The following ANKS6 variants were observed in gnomAD, a reference collection of about 807,000 sequenced individuals.
ANKS6 encodes ankyrin repeat and SAM domain-containing protein 6.
Under a neutral mutation model 77.9 loss-of-function variants are expected in ANKS6, and 47 were observed. That is an observed-to-expected ratio of 0.60 (90% CI 0.48 to 0.77). The LOEUF is 0.77. Ranked by LOEUF, ANKS6 falls within the 30% of genes least tolerant of loss-of-function variation. The probability of loss-of-function intolerance (pLI) is 0.00; values close to 1 mark genes in which losing one functional copy is unlikely to be tolerated. For synonymous variants in ANKS6, 488 were observed against 501.7 expected (o/e 0.97, Z 0.37); for missense variants, 1,150 against 1,159.1 (o/e 0.99, Z 0.11).
chr9:98,788,587 T>C (rs948168812), intron 2 of ANKS6, among the ~76,000 whole-genome samples: 7 of 152,138 alleles, frequency 4.6e-5, no homozygotes, highest in African/African-American at 1.4e-4. Flanking sequence ...CCTTTATGAG[T>C]CCCTAACACT....
chr9:98,739,056 G>T (rs1173369007), intron 14 of ANKS6, among the ~76,000 whole-genome samples: 1 of 151,668 alleles, frequency 6.6e-6, no homozygotes, highest in African/African-American at 2.4e-5. Context: ...TTGTAAGTGG[G>T]AGCTAAGCTA....
chr9:98,769,041 C>T (rs997806982), intron 10 of ANKS6, among the ~76,000 whole-genome samples: 4 of 88,400 alleles, frequency 4.5e-5, no homozygotes, highest in African/African-American at 1.9e-4. Context: ...GGAGGAGGAT[C>T]GCTTGAACCC....
chr9:98,766,704 T>C (rs1833312818), intron 11 of ANKS6, among the ~76,000 whole-genome samples: 1 of 152,218 alleles, frequency 6.6e-6, no homozygotes. Flanking sequence ...ATAGGTCCTA[T>C]TGCACAAGGG....
intron 14 of ANKS6, among the ~76,000 whole-genome samples, chr9:98,745,356 A>C (rs756011045): frequency 2.0e-5 from 3 of 152,220 alleles, no homozygotes; most frequent in Non-Finnish European, 4.4e-5. Context: ...AGCCCTGTGC[A>C]TTGGTTACCT....
Position 98,790,211 on chromosome 9 carries a change from T to C in ANKS6, c.755A>G (p.Asp252Gly), listed in dbSNP as rs1193120556. The stretch of plus-strand genomic sequence containing the variant: ...GGTCTTCTCCAGCACGCTGAGGTGG[T>C]CAGGGTTGGCGCCCTTCTCCACCAG... ...QQLVEKGANP[D>G]HLSVLEKTAF... Residue 252 changes from aspartate to glycine, a missense_variant, in exon 2 of 15, where the codon GAC (aspartate) becomes GGC (glycine). Coordinates refer to ENST00000353234, the MANE Select transcript of ANKS6 (RefSeq NM_173551.5). 6 of 1,606,854 alleles carry C rather than the reference T, an allele frequency of 3.7e-6. No homozygotes were observed. Among genetic ancestry groups the C allele is most frequent in the Middle Eastern group, 1.7e-4 (1 of 6,048 alleles).
intron 4 of ANKS6, 176 bp downstream of exon 4, chr9:98,783,777 G>C (rs116573016): frequency 8.3e-6 from 4 of 480,994 alleles, no homozygotes; most frequent in African/African-American, 2.0e-5. Flanking sequence ...GACACAGAAG[G>C]GTGGGACTAA....
chr9:98,777,348 C>CA (rs1833972145), intron 8 of ANKS6, 57 bp downstream of exon 8: 1 of 1,564,890 alleles, frequency 6.4e-7, no homozygotes, highest in African/African-American at 1.4e-5. Flanking sequence ...CCTTGTAAAT[C>CA]AATCAACTGA....
intron 12 of ANKS6, among the ~76,000 whole-genome samples, chr9:98,754,955 C>T (rs1392495993): frequency 1.3e-5 from 2 of 152,204 alleles, no homozygotes; most frequent in African/African-American, 4.8e-5. Context: ...AACTGAATCT[C>T]TAGGGGCTTC....
chr9:98,732,561 A>G lies in ANKS6; in HGVS notation c.*3958T>C. The G allele has an allele frequency of 3.2e-6, 5 of 1,550,624 alleles. No individual in the cohort carries two copies. Among genetic ancestry groups the G allele is most frequent in the South Asian group, 2.4e-5 (2 of 84,062 alleles). ...TCACCCACCCAACCATGGCTACGTC[A>G]GGGCAGAAGGGAGAGAAGAAAGAGA... is the stretch of plus-strand genomic sequence containing the variant. On this transcript the variant is annotated 3_prime_UTR_variant, in exon 15 of 15. Transcript: ENST00000353234.
chr9:98,743,870 T>G (rs1831975586), intron 14 of ANKS6, among the ~76,000 whole-genome samples: 2 of 152,200 alleles, frequency 1.3e-5, no homozygotes, highest in Non-Finnish European at 2.9e-5. Flanking sequence ...AATGCCCCAG[T>G]CTTTAGAGAC....
intron 13 of ANKS6, among the ~76,000 whole-genome samples, chr9:98,746,525 T>C (rs79311399): frequency 0.014 from 2,157 of 151,732 alleles, 48 homozygotes; most frequent in African/African-American, 0.048. Flanking sequence ...CCTCATGACA[T>C]TGGCGGGGTA....
In ANKS6 at chr9:98,734,686, G is replaced by A. The variant is rs16917876; in HGVS notation, c.*1833C>T. On this transcript the variant is annotated 3_prime_UTR_variant, in exon 15 of 15. Transcript: ENST00000353234. ...AGCTGCTTCCCTCTCCTAAGCATCC[G>A]TTTCCCGAATGTGCAAGATGAGGTT... 3.8e-3 allele frequency: 3,507 copies of A among 931,148 alleles called. 98 individuals carry two copies. The African/African-American group carries it at 0.058, about 15-fold the overall frequency. The allele number at this position is 931,148 out of a possible 1,614,324, so 57.7% of individuals were successfully genotyped here. A position where few individuals can be genotyped will look rare whatever the true frequency, so the allele number is the denominator to read the frequency against.
chr9:98,780,603 G>C (rs1288963803), intron 5 of ANKS6, among the ~76,000 whole-genome samples: 1 of 152,194 alleles, frequency 6.6e-6, no homozygotes, highest in African/African-American at 2.4e-5. Context: ...AAAAGTGCAG[G>C]CTTCACAGCC....
At position 98,773,768 on chromosome 9, in the gene ANKS6, A is replaced by T; in HGVS notation, c.1821+109T>A. 2.9e-6 allele frequency: 3 copies of T among 1,023,626 alleles called. No homozygotes were observed. The South Asian group carries it at 8.0e-5, about 27-fold the overall frequency. The allele number at this position is 1,023,626 out of a possible 1,614,324, so 63.4% of individuals were successfully genotyped here. A position where few individuals can be genotyped will look rare whatever the true frequency, so the allele number is the denominator to read the frequency against. On this transcript the variant is annotated intron_variant, in intron 9 of 14. Coordinates refer to ENST00000353234, the MANE Select transcript of ANKS6 (RefSeq NM_173551.5). The stretch of plus-strand genomic sequence containing the variant: ...ATATCATCCATTCAAAAGAAAAAAA[A>T]AGTTGCAACCCCTCTGGATTCGTCG...
At position 98,784,097 on chromosome 9, in the gene ANKS6, T is replaced by C. The variant is rs368427707; in HGVS notation, c.968A>G (p.Asn323Ser). The C allele has an allele frequency of 5.0e-5, 80 of 1,587,244 alleles. No homozygotes were observed. Among genetic ancestry groups the C allele is most frequent in the South Asian group, 1.1e-4 (10 of 87,806 alleles). The change falls in exon 4 of 15, where the codon AAT (asparagine) becomes AGT (serine). Residue 323 changes from asparagine to serine, a missense_variant. By Grantham distance (46) the Asn-to-Ser change is conservative (BLOSUM62 1). Transcript: ENST00000353234. ...DEDPSHVNLV[N>S]GDGATPLMLA... ...CATCAGTGGCGTCGCCCCGTCCCCA[T>C]TGACCAAGTTCACGTGGCTGGGGTC...
intron 12 of ANKS6, 32 bp downstream of exon 12, chr9:98,756,388 T>C (rs745941785): frequency 1.2e-5 from 20 of 1,601,358 alleles, no homozygotes; most frequent in South Asian, 1.2e-4. Context: ...GTGAGAGGAA[T>C]AGGTGGGGTT....
intron 6 of ANKS6, among the ~76,000 whole-genome samples, chr9:98,779,045 G>A (rs939409009): frequency 3.9e-5 from 6 of 152,182 alleles, no homozygotes; most frequent in Middle Eastern, 3.2e-3. Flanking sequence ...AATGAAGGGA[G>A]CTATGAGAAC....
chr9:98,734,073 C>T lies in ANKS6; in HGVS notation c.*2446G>A, dbSNP rs1361791318. 2.0e-6 allele frequency: 2 copies of T among 985,432 alleles called. No individual in the cohort carries two copies. Among genetic ancestry groups the T allele is most frequent in the East Asian group, 2.3e-4 (2 of 8,800 alleles). The allele number at this position is 985,432 out of a possible 1,614,324, so 61.0% of individuals were successfully genotyped here. On this transcript the variant is annotated 3_prime_UTR_variant, in exon 15 of 15. Transcript: ENST00000353234. ...ATAACCTACATGTTCCGTGCTGCCT[C>T]CACACATGCCCCCGCTGGGGTGCCC...
At chr9:98,749,475 A>G (rs1832314575) in intron 13 of ANKS6, among the ~76,000 whole-genome samples, 1 of 152,182 alleles carries the variant, frequency 6.6e-6, no homozygotes, top group African/African-American at 2.4e-5. Flanking sequence ...ACGCTGGACA[A>G]CCACAACAAC....
Sources: gnomAD v4.1 joint callset for allele counts (sites outside exome capture counted in the v4.1 genomes callset) on GRCh38, gnomAD v4.1.1 for gene constraint, MANE v1.5 for transcripts, NCBI Gene and HGNC (gene_info 2026-07-23, HGNC 2026-07-21) for gene names.